Variants in SBF2 observed in about 807,000 individuals in gnomAD.
SBF2 encodes SET binding factor 2.
A neutral mutation model predicts 225.2 loss-of-function variants in SBF2; 112 were observed. The observed-to-expected ratio is 0.50, with a 90% CI of 0.43 to 0.58. SBF2 has a LOEUF of 0.58. SBF2 is among the 20% of genes least tolerant of loss of function. The pLI, the probability that SBF2 is intolerant of heterozygous loss-of-function variation, is 0.00. For synonymous variants in SBF2, 763 were observed against 773.3 expected, an observed-to-expected ratio of 0.99 and a Z score of 0.22; for missense variants, 1,996 against 2,206.2, an observed-to-expected ratio of 0.90 and a Z score of 1.91.
intron 30 of SBF2, among the ~76,000 whole-genome samples, 194 bp downstream of exon 30, chr11:9,812,338 G>A (rs970572488): frequency 1.2e-4 from 18 of 152,158 alleles, no homozygotes; most frequent in Admixed American, 1.1e-3. Context: ...CAGCGATCAA[G>A]ACTTCTACTC....
intron 16 of SBF2, among the ~76,000 whole-genome samples, chr11:9,911,131 G>A (rs1196696054): frequency 1.3e-5 from 2 of 151,982 alleles, no homozygotes; most frequent in East Asian, 3.8e-4. Flanking sequence ...ACTTTGGGAG[G>A]CCGAGTCAGG....
chr11:10,117,212 A>AGG, intron 2 of SBF2, among the ~76,000 whole-genome samples: 1 of 152,132 alleles, frequency 6.6e-6, no homozygotes, highest in South Asian at 2.1e-4. Context: ...AGGCTGAGGC[A>AGG]GGTGAATCAC....
chr11:10,267,714 T>C (rs904573787), intron 1 of SBF2, among the ~76,000 whole-genome samples: 1 of 152,144 alleles, frequency 6.6e-6, no homozygotes, highest in Non-Finnish European at 1.5e-5. Context: ...CCCGAAACTG[T>C]CTACACCCAG....
intron 33 of SBF2, 68 bp from the exon 34 acceptor site, chr11:9,790,751 G>T: frequency 8.4e-7 from 1 of 1,187,978 alleles, no homozygotes; most frequent in Non-Finnish European, 1.2e-6. Context: ...AACGTATGAT[G>T]CATGCAGCAG....
At chr11:9,796,815 G>C (rs1054045766) in intron 32 of SBF2, among the ~76,000 whole-genome samples, 11 of 152,282 alleles carry the variant, frequency 7.2e-5, no homozygotes, top group African/African-American at 2.6e-4. Context: ...AGGTCATTGG[G>C]CACAGGAATA....
chr11:10,204,894 T>C (rs1438983999), intron 1 of SBF2, among the ~76,000 whole-genome samples: 1 of 151,706 alleles, frequency 6.6e-6, no homozygotes, highest in Non-Finnish European at 1.5e-5. Context: ...TTTGGGGTGA[T>C]GAAACATTTT....
intron 16 of SBF2, among the ~76,000 whole-genome samples, chr11:9,938,164 G>A (rs577890885): frequency 1.6e-4 from 24 of 152,044 alleles, no homozygotes; most frequent in Non-Finnish European, 2.2e-4. Context: ...GGTGGCGGGC[G>A]CCTCTAGTCC....
chr11:10,246,995 G>A (rs1366223218), intron 1 of SBF2, among the ~76,000 whole-genome samples: 2 of 152,178 alleles, frequency 1.3e-5, no homozygotes, highest in Non-Finnish European at 2.9e-5. Context: ...GCTGAGGCAG[G>A]AAGATCACTT....
At chr11:10,045,487 G>C (rs1949821764) in intron 2 of SBF2, among the ~76,000 whole-genome samples, 1 of 152,148 alleles carries the variant, frequency 6.6e-6, no homozygotes, top group Admixed American at 6.5e-5. Context: ...CAAAAACCAA[G>C]GTATAGGAAT....
intron 33 of SBF2, among the ~76,000 whole-genome samples, chr11:9,793,263 C>A (rs1267694203): frequency 6.6e-6 from 1 of 152,146 alleles, no homozygotes; most frequent in Non-Finnish European, 1.5e-5. Context: ...AAAACTGAGA[C>A]TCAGAGATGA....
intron 6 of SBF2, among the ~76,000 whole-genome samples, chr11:10,021,433 G>A (rs191595221): frequency 2.0e-5 from 3 of 151,052 alleles, no homozygotes; most frequent in Admixed American, 1.3e-4. Flanking sequence ...AGTTCACATA[G>A]GCTGCCAAAA....
At chr11:9,865,319 A>C (rs1858099644) in intron 17 of SBF2, among the ~76,000 whole-genome samples, 1 of 152,154 alleles carries the variant, frequency 6.6e-6, no homozygotes, top group South Asian at 2.1e-4. Flanking sequence ...TCTCAGTATA[A>C]ATATTTACTG....
At chr11:10,195,245 C>T (rs533753205) in intron 1 of SBF2, among the ~76,000 whole-genome samples, 1 of 152,274 alleles carries the variant, frequency 6.6e-6, no homozygotes, top group South Asian at 2.1e-4. Flanking sequence ...CAAGATGTTA[C>T]AATGAAAAAT....
At chr11:9,940,641 T>G (rs1380558316) in intron 16 of SBF2, among the ~76,000 whole-genome samples, 1 of 152,196 alleles carries the variant, frequency 6.6e-6, no homozygotes, top group Non-Finnish European at 1.5e-5. Context: ...TACACATTAC[T>G]TGGCCTGAAA....
At chr11:9,999,151 A>G (rs2134499856) in intron 8 of SBF2, among the ~76,000 whole-genome samples, 1 of 152,288 alleles carries the variant, frequency 6.6e-6, no homozygotes, top group South Asian at 2.1e-4. Flanking sequence ...TATTGACAAT[A>G]TTATACTTCA....
chr11:10,095,553 A>T (rs1417690343), intron 2 of SBF2, among the ~76,000 whole-genome samples: 1 of 36,684 alleles, frequency 2.7e-5, no homozygotes, highest in Non-Finnish European at 7.4e-5. Flanking sequence ...AGCTTTTTTA[A>T]AAAAAATCAA....
chr11:10,239,507 A>G (rs1395143303), intron 1 of SBF2, among the ~76,000 whole-genome samples: 1 of 150,786 alleles, frequency 6.6e-6, no homozygotes, highest in East Asian at 1.9e-4. Flanking sequence ...ATACTCTACT[A>G]GTAAGTGAAC....
chr11:10,115,449 AATCCCATTTGAGACATGAAG>A (rs1217138677), intron 2 of SBF2, among the ~76,000 whole-genome samples: 2 of 152,216 alleles, frequency 1.3e-5, no homozygotes, highest in African/African-American at 4.8e-5. Context: ...ATGGTTTACT[AATCCCATTTGAGACATGAAG>A]ATCTGAGATC....
At chr11:10,054,513 C>A (rs963767912) in intron 2 of SBF2, among the ~76,000 whole-genome samples, 3 of 152,050 alleles carry the variant, frequency 2.0e-5, no homozygotes, top group Non-Finnish European at 4.4e-5. Flanking sequence ...AATTTCATGA[C>A]TAAGGCCCCG....
Sources: gnomAD v4.1 joint callset for allele counts (sites outside exome capture counted in the v4.1 genomes callset) on GRCh38, gnomAD v4.1.1 for gene constraint, MANE v1.5 for transcripts, NCBI Gene and HGNC (gene_info 2026-07-23, HGNC 2026-07-21) for gene names.